Variants in CACNA2D2 observed in about 807,000 individuals in gnomAD.
CACNA2D2 encodes the protein calcium voltage-gated channel auxiliary subunit alpha2delta 2.
CACNA2D2 carries 48 observed loss-of-function variants against 166.4 expected under a neutral mutation model. The ratio of observed to expected loss-of-function variants is 0.29; its 90% confidence interval spans 0.23 to 0.37. CACNA2D2 has a LOEUF of 0.37. CACNA2D2 is among the 10% of genes least tolerant of loss of function. CACNA2D2 has a pLI of 1.00. For synonymous variants in CACNA2D2, 561 were observed against 573.7 expected (o/e 0.98, Z 0.32); for missense variants, 1,122 against 1,433.0 (o/e 0.78, Z 3.50).
In CACNA2D2 at chr3:50,379,051, G is replaced by T. The variant is rs1175109077; in HGVS notation, c.1260+41C>A. ...CCAGGGGACAGCCCTCTTCTGTACT[G>T]GGCCCAGGTCAGGGTAGCCCCTGCC... is the stretch of plus-strand genomic sequence containing the variant. On this transcript the variant is annotated intron_variant, in intron 12 of 37. Coordinates refer to ENST00000424201, the MANE Select transcript of CACNA2D2 (RefSeq NM_006030.4). The surrounding 1 kb of genome is among the most constrained non-coding windows in gnomAD (Gnocchi z 6.5). 1.2e-6 allele frequency: 2 copies of T among 1,613,388 alleles called. No individual in the cohort carries two copies. Among genetic ancestry groups the T allele is most frequent in the South Asian group, 2.2e-5 (2 of 91,070 alleles).
chr3:50,379,700 C>T lies in CACNA2D2; in HGVS notation c.993+25G>A. 1 of 1,613,320 alleles carries T rather than the reference C, an allele frequency of 6.2e-7. No homozygotes were observed. Among genetic ancestry groups the T allele is most frequent in the Non-Finnish European group, 8.5e-7 (1 of 1,179,666 alleles). Reference sequence around the variant, plus strand: ...AGGGCAGATGGGGTGACCCATTTCACCCCGTCTGCCACCTTGGCACTCACC... The same window carrying T: ...AGGGCAGATGGGGTGACCCATTTCATCCCGTCTGCCACCTTGGCACTCACC... On this transcript the variant is annotated intron_variant, in intron 10 of 37. Coordinates refer to ENST00000424201, the MANE Select transcript of CACNA2D2 (RefSeq NM_006030.4). This position sits in a 1 kb window ranked among gnomAD's most constrained non-coding sequence, Gnocchi z 6.5.
rs755795078 is a variant in CACNA2D2 at position 50,364,830 on chromosome 3, G to A, written c.3292-24C>T. On this transcript the variant is annotated intron_variant, in intron 37 of 37. Transcript: ENST00000424201. ...TCCTGCGGGGAGAGACAAGGAGCTG[G>A]TCGGCCTGGGCGGGCGCAAGGCCGC... 33 of 1,612,884 alleles carry A rather than the reference G, an allele frequency of 2.0e-5. No individual in the cohort carries two copies. The South Asian group carries it at 3.4e-4, about 17-fold the overall frequency.
At chr3:50,483,626 G>A (rs1698155449) in intron 1 of CACNA2D2, among the ~76,000 whole-genome samples, 1 of 152,174 alleles carries the variant, frequency 6.6e-6, no homozygotes, top group South Asian at 2.1e-4. Flanking sequence ...GGAGTGGAGG[G>A]AAGCAGCACA....
chr3:50,385,374 C>G (rs1026058655), intron 5 of CACNA2D2, among the ~76,000 whole-genome samples: 1 of 152,194 alleles, frequency 6.6e-6, no homozygotes, highest in Non-Finnish European at 1.5e-5. Context: ...TCTGTGACCA[C>G]CCTCAGCCCA....
intron 3 of CACNA2D2, 107 bp from the exon 4 acceptor site, chr3:50,394,275 G>A: frequency 1.2e-6 from 1 of 864,296 alleles, no homozygotes; most frequent in Admixed American, 1.8e-5. Flanking sequence ...GGCTGGACTG[G>A]TGACTCCCTT....
At chr3:50,368,321 C>A in intron 23 of CACNA2D2, 86 bp from the exon 24 acceptor site, 2 of 835,190 alleles carry the variant, frequency 2.4e-6, no homozygotes, top group South Asian at 2.8e-5. Context: ...CCCACTTGGC[C>A]ATTCACTGAG....
intron 2 of CACNA2D2, among the ~76,000 whole-genome samples, chr3:50,459,223 T>C (rs527248039): frequency 2.6e-5 from 4 of 152,236 alleles, no homozygotes; most frequent in African/African-American, 9.6e-5. Context: ...GGTATACACA[T>C]GGGTGGCAGG....
intron 1 of CACNA2D2, among the ~76,000 whole-genome samples, chr3:50,483,451 C>T (rs962298473): frequency 6.6e-6 from 1 of 152,228 alleles, no homozygotes. Context: ...ACGGGGCTAT[C>T]CCTTCCCTTT....
intron 2 of CACNA2D2, among the ~76,000 whole-genome samples, chr3:50,470,845 AC>A (rs1365741117): frequency 6.6e-6 from 1 of 151,796 alleles, no homozygotes; most frequent in Non-Finnish European, 1.5e-5. Context: ...GCCTCTCTCT[AC>A]CCAATTATGC....
chr3:50,444,257 G>A (rs1226893206), intron 2 of CACNA2D2, among the ~76,000 whole-genome samples: 2 of 152,208 alleles, frequency 1.3e-5, no homozygotes, highest in Non-Finnish European at 1.5e-5. Context: ...TCAGCAGCTG[G>A]CTGGCTTTTC....
At chr3:50,449,837 G>A (rs1709019514) in intron 2 of CACNA2D2, among the ~76,000 whole-genome samples, 1 of 152,162 alleles carries the variant, frequency 6.6e-6, no homozygotes, top group Non-Finnish European at 1.5e-5. Flanking sequence ...CGGGCCCTAG[G>A]GACTGAGTAG....
chr3:50,429,479 G>A (rs1442568670), intron 3 of CACNA2D2, among the ~76,000 whole-genome samples: 1 of 151,614 alleles, frequency 6.6e-6, no homozygotes, highest in Non-Finnish European at 1.5e-5. Flanking sequence ...CTGGCCGGGC[G>A]CGGTGGCTCA....
At chr3:50,481,664 C>G (rs1378015353) in intron 1 of CACNA2D2, among the ~76,000 whole-genome samples, 1 of 152,144 alleles carries the variant, frequency 6.6e-6, no homozygotes, top group Non-Finnish European at 1.5e-5. Flanking sequence ...GATAGGCTGG[C>G]CAATTATTCT....
Position 50,375,917 on chromosome 3 carries a change from C to T in CACNA2D2, c.1774-37G>A. 2.5e-6 allele frequency: 4 copies of T among 1,612,530 alleles called. No homozygotes were observed. The African/African-American group carries it at 5.3e-5, about 21-fold the overall frequency. ...AGAGATGTGAGGGGCAGGGCCCCTA[C>T]ACTCCTCTGCTCTGTCCCCCACCCC... On this transcript the variant is annotated intron_variant, in intron 19 of 37. Transcript: ENST00000424201. This position sits in a 1 kb window ranked among gnomAD's most constrained non-coding sequence, Gnocchi z 4.0.
rs1343425247 is a variant in CACNA2D2 at position 50,364,686 on chromosome 3, G to C, written c.3412C>G (p.His1138Asp). The C allele has an allele frequency of 1.3e-6, 2 of 1,537,556 alleles. No individual in the cohort carries two copies. Among genetic ancestry groups the C allele is most frequent in the Non-Finnish European group, 1.8e-6 (2 of 1,140,386 alleles). ...GGTGCTCAGAGGCGGCGAGAGGCGT[G>C]GACGAGGACTTGAGGCTGCGGCCGG... ...PPRPQPQVLV[H>D]ASRRL Residue 1138 changes from histidine to aspartate, a missense_variant, in exon 38 of 38, where the codon CAC (histidine) becomes GAC (aspartate). Transcript: ENST00000424201.
chr3:50,448,316 T>G (rs188364710), intron 2 of CACNA2D2, among the ~76,000 whole-genome samples: 240 of 152,338 alleles, frequency 1.6e-3, no homozygotes, highest in Middle Eastern at 3.4e-3. Context: ...TCAAGCTCTT[T>G]GAGTTTACAA....
At position 50,374,728 on chromosome 3, in the gene CACNA2D2, G is replaced by T. The variant is rs1258675120; in HGVS notation, c.1984+9C>A. 3 of 1,586,544 alleles carry T rather than the reference G, an allele frequency of 1.9e-6. No individual in the cohort carries two copies. Among genetic ancestry groups the T allele is most frequent in the Non-Finnish European group, 2.6e-6 (3 of 1,166,790 alleles). On this transcript the variant is annotated intron_variant, in intron 22 of 37. Coordinates refer to ENST00000424201, the MANE Select transcript of CACNA2D2 (RefSeq NM_006030.4). ...GGTGCAGGGCGCAGGCAGGGGCCGGGCCACTTACACTTGACCTGCAGGATC... is the reference window on the plus strand; with the variant it reads ...GGTGCAGGGCGCAGGCAGGGGCCGGTCCACTTACACTTGACCTGCAGGATC...
rs1204151334 is a variant in CACNA2D2, at chr3:50,376,051, G to A, written c.1702-17C>T. 1.9e-6 allele frequency: 3 copies of A among 1,613,254 alleles called. No individual in the cohort carries two copies. The highest frequency in any genetic ancestry group is 2.2e-5 in the East Asian group (1 of 44,884). Reference sequence around the variant, plus strand: ...GTTGGTGGTCTGTTGGAGGCAGGGTGGGAAGTCAGAAGTCCCCATTGTGGA... The same window carrying A: ...GTTGGTGGTCTGTTGGAGGCAGGGTAGGAAGTCAGAAGTCCCCATTGTGGA... On this transcript the variant is annotated splice_polypyrimidine_tract_variant and intron_variant, in intron 18 of 37. Transcript: ENST00000424201. This position sits in a 1 kb window ranked among gnomAD's most constrained non-coding sequence, Gnocchi z 4.3.
rs907320125 is a variant in CACNA2D2 at position 50,373,149 on chromosome 3, G to A, written c.1984+1588C>T. 9.9e-6 allele frequency: 14 copies of A among 1,414,944 alleles called. No homozygotes were observed. The Admixed American group carries it at 1.0e-4, about 10-fold the overall frequency. The allele number at this position is 1,414,944 out of a possible 1,614,324, so 87.6% of individuals were successfully genotyped here. A position where few individuals can be genotyped will look rare whatever the true frequency, so the allele number is the denominator to read the frequency against. On this transcript the variant is annotated intron_variant, in intron 22 of 37. Coordinates refer to ENST00000424201, the MANE Select transcript of CACNA2D2 (RefSeq NM_006030.4). Reference sequence around the variant, plus strand: ...AAACAACACAAACACAAAAACAAACGAAAAGGGGGAGGGAAAGGGGAGGGG... The same window carrying A: ...AAACAACACAAACACAAAAACAAACAAAAAGGGGGAGGGAAAGGGGAGGGG...
Sources: allele counts gnomAD v4.1 joint callset (sites outside exome capture counted in the v4.1 genomes callset), GRCh38; gene constraint gnomAD v4.1.1; non-coding constraint Gnocchi (gnomAD v3.1); transcripts MANE v1.5; gene names NCBI Gene and HGNC (gene_info 2026-07-23, HGNC 2026-07-21).